Variants in DOCK4 observed in about 807,000 individuals in gnomAD.
DOCK4 encodes dedicator of cytokinesis 4.
Under a neutral mutation model 268.1 loss-of-function variants are expected in DOCK4, and 97 were observed. The ratio of observed to expected loss-of-function variants is 0.36; its 90% CI spans 0.31 to 0.43. The LOEUF (loss-of-function observed/expected upper bound fraction) is 0.43, where lower values mean the gene tolerates loss of function less well. Ranked by LOEUF, DOCK4 falls within the 20% of genes least tolerant of loss-of-function variation. The pLI is 1.00. For missense variants in DOCK4, 2,145 were observed against 2,455.7 expected, an observed-to-expected ratio of 0.87 and a Z score of 2.67; for synonymous variants, 954 against 887.2, an observed-to-expected ratio of 1.08 and a Z score of -1.34.
intron 1 of DOCK4, among the ~76,000 whole-genome samples, chr7:112,122,755 AC>A (rs1812857353): frequency 6.6e-6 from 1 of 152,192 alleles, no homozygotes; most frequent in African/African-American, 2.4e-5. Flanking sequence ...TGTTATAAAG[AC>A]TAGTTTTTTT....
chr7:111,930,309 T>C (rs1191660469), intron 12 of DOCK4, among the ~76,000 whole-genome samples: 1 of 152,202 alleles, frequency 6.6e-6, no homozygotes, highest in Non-Finnish European at 1.5e-5. Context: ...AATGTACCTT[T>C]GCAACATAAG....
At chr7:111,829,086 T>A (rs1257603437) in intron 26 of DOCK4, among the ~76,000 whole-genome samples, 1 of 151,960 alleles carries the variant, frequency 6.6e-6, no homozygotes, top group Non-Finnish European at 1.5e-5. Context: ...ACTTATAATT[T>A]CCCATTAAAT....
At chr7:111,981,873 C>G (rs1223011778) in intron 7 of DOCK4, among the ~76,000 whole-genome samples, 3 of 152,132 alleles carry the variant, frequency 2.0e-5, no homozygotes, top group Admixed American at 6.5e-5. Flanking sequence ...CACCAATAAA[C>G]TGGAATGCTG....
At chr7:111,870,815 C>T (rs1806362528) in intron 20 of DOCK4, among the ~76,000 whole-genome samples, 1 of 152,144 alleles carries the variant, frequency 6.6e-6, no homozygotes, top group Non-Finnish European at 1.5e-5. Context: ...GCTTTCCTGG[C>T]CAACCGGAAG....
chr7:112,128,405 G>A (rs1365014645), intron 1 of DOCK4, among the ~76,000 whole-genome samples: 19 of 152,138 alleles, frequency 1.2e-4, no homozygotes, highest in Non-Finnish European at 2.1e-4. Context: ...CCACCACCCC[G>A]TCTGGGAGGT....
At chr7:111,899,581 C>A (rs1428562728) in intron 15 of DOCK4, among the ~76,000 whole-genome samples, 2 of 152,136 alleles carry the variant, frequency 1.3e-5, no homozygotes, top group Non-Finnish European at 2.9e-5. Context: ...GATAGCAATG[C>A]CCATGTGGAC....
At chr7:111,753,387 A>G (rs1796821092) in intron 42 of DOCK4, among the ~76,000 whole-genome samples, 1 of 152,086 alleles carries the variant, frequency 6.6e-6, no homozygotes, top group Non-Finnish European at 1.5e-5. Flanking sequence ...AGGTGGGAGG[A>G]TCACTTGAGC....
chr7:111,784,368 A>T (rs1272539824), intron 32 of DOCK4: 1 of 675,750 alleles, frequency 1.5e-6, no homozygotes, highest in Admixed American at 2.0e-5. Context: ...TTATTCACAT[A>T]AAAATATTTT....
intron 26 of DOCK4, among the ~76,000 whole-genome samples, chr7:111,828,324 G>A (rs1404620832): frequency 6.6e-6 from 1 of 152,140 alleles, no homozygotes; most frequent in Non-Finnish European, 1.5e-5. Context: ...GGAAGAAGTG[G>A]CACACTGCTC....
In DOCK4 at chr7:111,768,083, T is replaced by C. The variant is rs146499917; in HGVS notation, c.3829-965A>G. ...GAATTTAGGGACACTAAAATGTGCA[T>C]TTCATATCATTTTCACATGTCCCAA... On this transcript the variant is annotated intron_variant, in intron 37 of 52. Coordinates refer to ENST00000428084, the MANE Select transcript of DOCK4 (RefSeq NM_001363540.2). 2.1e-3 allele frequency among the ~76,000 whole-genome samples: 318 copies of C among 152,322 alleles called. 2 individuals are homozygous for C. The highest frequency in any genetic ancestry group is 7.4e-3 in the African/African-American group (306 of 41,572).
chr7:111,994,370 A>C, intron 4 of DOCK4, 139 bp from the exon 5 acceptor site: 4 of 531,534 alleles, frequency 7.5e-6, no homozygotes, highest in Non-Finnish European at 6.6e-6. Flanking sequence ...ATCTGGTTAT[A>C]AGTTAATGTG....
At position 111,790,565 on chromosome 7, in the gene DOCK4, G is replaced by A. The variant is rs772594564; in HGVS notation, c.3207C>T (p.Pro1069=). Residue 1069 remains proline (P), a synonymous_variant, in exon 31 of 53, where the codon CCC becomes CCT. Coordinates refer to ENST00000428084, the MANE Select transcript of DOCK4 (RefSeq NM_001363540.2). ...GGGGTATCAAGGTCACTTCTAGGAA[G>A]GGGCCAATCAGGGCAGGGATAAAAT... ...KLHFIPALIG[P]FLEVTLIPQP... The A allele has an allele frequency of 2.5e-6, 4 of 1,613,732 alleles. No homozygotes were observed. The East Asian group carries it at 6.7e-5, about 27-fold the overall frequency.
intron 12 of DOCK4, among the ~76,000 whole-genome samples, chr7:111,931,046 G>A (rs1279162040): frequency 5.3e-5 from 8 of 152,198 alleles, no homozygotes; most frequent in Non-Finnish European, 5.9e-5. Flanking sequence ...CAGAGAAACA[G>A]AAGGCAGATA....
At chr7:112,104,470 A>AT (rs1810963671) in intron 1 of DOCK4, among the ~76,000 whole-genome samples, 1 of 152,160 alleles carries the variant, frequency 6.6e-6, no homozygotes. Flanking sequence ...TTTAGGCATA[A>AT]TTGCAGGCCA....
chr7:111,998,532 GC>G lies in DOCK4; in HGVS notation c.163-30del, dbSNP rs369216142. The G allele has an allele frequency of 7.9e-5, 123 of 1,554,014 alleles. 1 individual carries two copies. In the African/African-American group the frequency reaches 1.6e-3, roughly 20 times the overall value. On this transcript the variant is annotated intron_variant, in intron 3 of 52. Transcript: ENST00000428084. ...GAAAAGAAAACATGAAGGTTACGAT[GC>G]CGGCTGTTAAGGCAGGGTTGGTTTC...
At chr7:111,836,154 T>C (rs1285573956) in intron 25 of DOCK4, among the ~76,000 whole-genome samples, 2 of 151,570 alleles carry the variant, frequency 1.3e-5, no homozygotes, top group Admixed American at 6.6e-5. Flanking sequence ...TCTAGAAGGA[T>C]TGAGAGAACA....
At chr7:111,766,568 C>T (rs1019553753) in intron 38 of DOCK4, among the ~76,000 whole-genome samples, 2 of 152,070 alleles carry the variant, frequency 1.3e-5, no homozygotes, top group South Asian at 2.1e-4. Flanking sequence ...GGTACTGAAA[C>T]GTTGATCTAA....
intron 1 of DOCK4, among the ~76,000 whole-genome samples, chr7:112,189,331 T>A (rs535937338): frequency 6.6e-6 from 1 of 151,350 alleles, no homozygotes; most frequent in South Asian, 2.1e-4. Context: ...CAAAATGCAA[T>A]CACTAAAAGG....
chr7:111,873,855 T>C lies in DOCK4; in HGVS notation c.1745-1291A>G, dbSNP rs1806629777. ...ACACGGGTAAGAGGAGGAGGAGGAA[T>C]TAGAATGAGAAAAATAAAGTGATTT... On this transcript the variant is annotated intron_variant, in intron 17 of 52. Coordinates refer to ENST00000428084, the MANE Select transcript of DOCK4 (RefSeq NM_001363540.2). Among the ~76,000 whole-genome samples, 6 of 150,766 alleles carry C rather than the reference T, an allele frequency of 4.0e-5. No homozygotes were observed. The South Asian group carries it at 1.3e-3, about 32-fold the overall frequency.
Sources: allele counts gnomAD v4.1 joint callset (sites outside exome capture counted in the v4.1 genomes callset), GRCh38; gene constraint gnomAD v4.1.1; transcripts MANE v1.5; gene names NCBI Gene and HGNC (gene_info 2026-07-23, HGNC 2026-07-21).